TRIM36: variants seen among roughly 807,000 people sequenced by gnomAD.
TRIM36 encodes the protein E3 ubiquitin-protein ligase TRIM36.
In TRIM36, 42 loss-of-function variants were observed where a neutral mutation model predicts 72.4. The observed-to-expected ratio is 0.58, with a 90% CI of 0.45 to 0.75. The LOEUF (loss-of-function observed/expected upper bound fraction) is 0.75, where lower values mean the gene tolerates loss of function less well. TRIM36 is among the 30% of genes least tolerant of loss of function. The pLI is 0.00. For synonymous variants in TRIM36, 315 were observed against 282.8 expected, an observed-to-expected ratio of 1.11 and a Z score of -1.14; for missense variants, 913 against 857.1, an observed-to-expected ratio of 1.07 and a Z score of -0.81.
chr5:115,140,202 G>A lies in TRIM36; in HGVS notation c.831+1077C>T, dbSNP rs142759244. ...TTTCTCAATAATTTCAACCTATATT[G>A]GAAAAAAACTTCTTCAAGTAACAGT... On this transcript the variant is annotated intron_variant, in intron 5 of 9. Coordinates refer to ENST00000513154, the MANE Select transcript of TRIM36 (RefSeq NM_001300759.2). Among the ~76,000 whole-genome samples, 107 of 152,034 alleles carry A rather than the reference G, an allele frequency of 7.0e-4. No individual in the cohort carries two copies. In the East Asian group the frequency reaches 0.015, roughly 21 times the overall value.
chr5:115,141,458 C>T (rs956393476), intron 4 of TRIM36, 84 bp from the exon 5 acceptor site: 1 of 730,534 alleles, frequency 1.4e-6, no homozygotes, highest in South Asian at 2.1e-5. Flanking sequence ...TTACACAGGA[C>T]TCATCCTCTT....
chr5:115,177,808 G>T (rs775602446), intron 1 of TRIM36: 3 of 1,614,022 alleles, frequency 1.9e-6, no homozygotes. Context: ...GGGACAGCGG[G>T]CCTCTCCACC....
At chr5:115,170,255 C>A (rs1006573185), upstream of TRIM36, among the ~76,000 whole-genome samples, 6 of 151,842 alleles carry the variant, frequency 4.0e-5, no homozygotes, top group Admixed American at 2.0e-4. Flanking sequence ...GGCGCCGGGG[C>A]GGGGAGGCTC....
At chr5:115,145,483 AG>A (rs1477165076) in intron 3 of TRIM36, among the ~76,000 whole-genome samples, 16 of 152,326 alleles carry the variant, frequency 1.1e-4, no homozygotes, top group African/African-American at 3.4e-4. Flanking sequence ...TTAGATTTTA[AG>A]CAATTGTAAC....
Position 115,133,793 on chromosome 5 carries a change from T to C in TRIM36, c.1498+67A>G, listed in dbSNP as rs1203361025. On this transcript the variant is annotated intron_variant, in intron 8 of 9. Coordinates refer to ENST00000513154, the MANE Select transcript of TRIM36 (RefSeq NM_001300759.2). ...TGCAGGTCTACATGGAGATACTGAC[T>C]AGTTTATTTTATCAAGGTCTCTTGC... 3.4e-6 allele frequency: 5 copies of C among 1,468,544 alleles called. No individual in the cohort carries two copies. In the African/African-American group the frequency reaches 7.1e-5, roughly 21 times the overall value. The allele number at this position is 1,468,544 out of a possible 1,614,324, so 91.0% of individuals were successfully genotyped here. A position where few individuals can be genotyped will look rare whatever the true frequency, so the allele number is the denominator to read the frequency against.
intron 2 of TRIM36, among the ~76,000 whole-genome samples, chr5:115,162,910 T>C (rs1016715381): frequency 1.8e-4 from 27 of 152,282 alleles, no homozygotes; most frequent in African/African-American, 5.5e-4. Flanking sequence ...CATTATTCTA[T>C]GTATCAAGTA....
Position 115,134,145 on chromosome 5 carries a change from T to A in TRIM36, c.1213A>T (p.Ile405Leu). 1 of 1,557,088 alleles carries A rather than the reference T, an allele frequency of 6.4e-7. No individual in the cohort carries two copies. The highest frequency in any genetic ancestry group is 8.7e-7 in the Non-Finnish European group (1 of 1,155,316). ...LGELSFFSSG[I>L]DVPEINEEQS... ...TCCTCATTGATCTCTGGCACGTCTA[T>A]GCCTGAAAGAATTATGAAATAGAAA... is the stretch of plus-strand genomic sequence containing the variant. The change falls in exon 8 of 10, where the codon ATA becomes TTA. Residue 405 changes from isoleucine to leucine, a missense_variant and splice_region_variant. Transcript: ENST00000513154.
intron 2 of TRIM36, chr5:115,149,402 G>T (rs1753765885): frequency 1.3e-5 from 2 of 151,290 alleles, no homozygotes; most frequent in Admixed American, 1.3e-4. Context: ...TGAAAATTTA[G>T]ATAAATAGAA....
At chr5:115,169,960 A>T (rs573975242), upstream of TRIM36, 394 of 1,210,308 alleles carry the variant, frequency 3.3e-4, no homozygotes, top group African/African-American at 5.7e-3. Context: ...CGGGGCGTGG[A>T]CAGGGCGTGG....
intron 5 of TRIM36, among the ~76,000 whole-genome samples, chr5:115,139,550 T>G (rs7444288): frequency 6.6e-6 from 1 of 152,248 alleles, no homozygotes. Context: ...GACAGCCACA[T>G]ATTTTTAAAA....
At chr5:115,131,966 A>G (rs1752705490) in intron 8 of TRIM36, among the ~76,000 whole-genome samples, 1 of 152,182 alleles carries the variant, frequency 6.6e-6, no homozygotes, top group Non-Finnish European at 1.5e-5. Context: ...TATTTAAACA[A>G]TACTGTAAAT....
chr5:115,172,062 T>C (rs1000447861), upstream of TRIM36, among the ~76,000 whole-genome samples: 5 of 152,218 alleles, frequency 3.3e-5, no homozygotes, highest in Non-Finnish European at 7.3e-5. Context: ...TGTAAAAATT[T>C]TTGAATATTT....
intron 2 of TRIM36, among the ~76,000 whole-genome samples, chr5:115,159,429 G>A (rs1754358400): frequency 6.6e-6 from 1 of 152,124 alleles, no homozygotes; most frequent in Admixed American, 6.5e-5. Flanking sequence ...CAAAATGCAA[G>A]CACCAATAAT....
rs773496325 is a variant in TRIM36 at position 115,163,563 on chromosome 5, G to A, written c.217C>T (p.Leu73Phe). The A allele has an allele frequency of 5.0e-6, 8 of 1,614,186 alleles. No individual in the cohort carries two copies. The East Asian group carries it at 1.6e-4, about 31-fold the overall frequency. Reference sequence around the variant, plus strand: ...ATTTTATCCATACTAGGGGAGGGGAGCCGAAGTCGAGGACTGCTTTGATTG... The same window carrying A: ...ATTTTATCCATACTAGGGGAGGGGAACCGAAGTCGAGGACTGCTTTGATTG... The part of the protein sequence containing the change: ...NSNQSSPRLR[L>F]PSPSMDKIDR... The change falls in exon 2 of 10, where the codon CTC becomes TTC. Residue 73 changes from leucine (L) to phenylalanine (F), a missense_variant. Transcript: ENST00000513154.
intron 1 of TRIM36, among the ~76,000 whole-genome samples, chr5:115,167,559 A>T (rs756749736): frequency 4.6e-5 from 7 of 152,216 alleles, no homozygotes; most frequent in Non-Finnish European, 7.3e-5. Flanking sequence ...GCATAGCAAG[A>T]GTCACCTTCA....
chr5:115,131,041 C>A (rs1752649307), intron 8 of TRIM36, 152 bp from the exon 9 acceptor site: 6 of 767,584 alleles, frequency 7.8e-6, no homozygotes, highest in Non-Finnish European at 1.2e-5. Context: ...AAACCAAAAC[C>A]CAACTTAGCA....
In TRIM36 at chr5:115,125,998, G is replaced by A. The variant is rs1752343148; in HGVS notation, c.*505C>T. ...ACTTAAATATACTACCACTTTTATG[G>A]TGTTTTTCTTTTAACCTATCTAGAA... On this transcript the variant is annotated 3_prime_UTR_variant, in exon 10 of 10. Coordinates refer to ENST00000513154, the MANE Select transcript of TRIM36 (RefSeq NM_001300759.2). 6.6e-6 allele frequency: 1 copy of A among 152,458 alleles called. No homozygotes were observed. The highest frequency in any genetic ancestry group is 1.5e-5 in the Non-Finnish European group (1 of 68,336). 9.4% of individuals were successfully genotyped at this position (152,458 alleles called of 1,614,324 possible). A position where few individuals can be genotyped will look rare whatever the true frequency, so the allele number is the denominator to read the frequency against.
intron 1 of TRIM36, among the ~76,000 whole-genome samples, chr5:115,164,577 C>T (rs534965376): frequency 1.1e-4 from 17 of 152,146 alleles, no homozygotes; most frequent in Admixed American, 2.0e-4. Flanking sequence ...TATGAGAATT[C>T]GCTATCACAA....
At chr5:115,172,799 G>T (rs1755172166), upstream of TRIM36, among the ~76,000 whole-genome samples, 3 of 151,128 alleles carry the variant, frequency 2.0e-5, no homozygotes, top group African/African-American at 7.3e-5. Flanking sequence ...CAAAAAACTA[G>T]GTATATCTGA....
Sources: gnomAD v4.1 joint callset for allele counts (sites outside exome capture counted in the v4.1 genomes callset) on GRCh38, gnomAD v4.1.1 for gene constraint, MANE v1.5 for transcripts, NCBI Gene and HGNC (gene_info 2026-07-23, HGNC 2026-07-21) for gene names.